Variants in KCNK13 observed in about 807,000 individuals in gnomAD.
The protein encoded by KCNK13 is potassium channel subfamily K member 13.
A neutral mutation model predicts 23.4 loss-of-function variants in KCNK13; 12 were observed. The observed-to-expected ratio is 0.51, with a 90% CI of 0.33 to 0.83. The LOEUF (loss-of-function observed/expected upper bound fraction) is 0.83. KCNK13 is among the 40% of genes least tolerant of loss of function. KCNK13 has a pLI of 0.02. For missense variants in KCNK13, 463 were observed against 556.3 expected (o/e 0.83, Z 1.69); for synonymous variants, 231 against 229.5 (o/e 1.01, Z -0.06).
chr14:90,131,825 T>C (rs890051214), intron 1 of KCNK13, among the ~76,000 whole-genome samples: 1 of 152,192 alleles, frequency 6.6e-6, no homozygotes, highest in African/African-American at 2.4e-5. Flanking sequence ...CCCTTGTGCA[T>C]TGCTTGTGGG....
At chr14:90,183,977 A>C in intron 1 of KCNK13, 134 bp from the exon 2 acceptor site, 3 of 781,066 alleles carry the variant, frequency 3.8e-6, no homozygotes, top group Non-Finnish European at 6.2e-6. Context: ...TCTCCTGCTC[A>C]TTCCTAGAAA....
intron 1 of KCNK13, among the ~76,000 whole-genome samples, chr14:90,101,055 T>A (rs918788514): frequency 3.3e-5 from 5 of 152,084 alleles, no homozygotes; most frequent in African/African-American, 1.2e-4. Flanking sequence ...GAGGTTGCAG[T>A]ATATGATGGA....
chr14:90,173,821 C>T (rs562293000), intron 1 of KCNK13, among the ~76,000 whole-genome samples: 21 of 152,248 alleles, frequency 1.4e-4, no homozygotes, highest in African/African-American at 4.8e-4. Flanking sequence ...GTGTATTAGT[C>T]CGTTTTCACA....
chr14:90,132,214 C>T (rs1473033755), intron 1 of KCNK13, among the ~76,000 whole-genome samples: 1 of 152,024 alleles, frequency 6.6e-6, no homozygotes, highest in African/African-American at 2.4e-5. Flanking sequence ...TCCATTGATA[C>T]GATGTAACAA....
At chr14:90,120,093 T>C (rs1889719712) in intron 1 of KCNK13, among the ~76,000 whole-genome samples, 1 of 152,172 alleles carries the variant, frequency 6.6e-6, no homozygotes, top group Admixed American at 6.5e-5. Flanking sequence ...TAGGCCTCAG[T>C]GTCTGTTGTT....
chr14:90,111,324 A>T (rs1889613069), intron 1 of KCNK13, among the ~76,000 whole-genome samples: 2 of 152,192 alleles, frequency 1.3e-5, no homozygotes, highest in Non-Finnish European at 2.9e-5. Flanking sequence ...TTAGTTACAA[A>T]GATGCTCAAG....
chr14:90,142,313 CTTTTTTTTTT>C (rs59863610), intron 1 of KCNK13, among the ~76,000 whole-genome samples: 1 of 85,250 alleles, frequency 1.2e-5, no homozygotes, highest in Admixed American at 1.8e-4. Context: ...CTGTCCAATT[CTTTTTTTTTT>C]TTTTTTTTTT....
intron 1 of KCNK13, among the ~76,000 whole-genome samples, chr14:90,172,401 A>T (rs1343071237): frequency 6.6e-6 from 1 of 152,012 alleles, no homozygotes; most frequent in African/African-American, 2.4e-5. Flanking sequence ...TTATAGGTGT[A>T]CAGGAGTTCC....
chr14:90,130,185 T>TTTATTTATTTA (rs1474470798), intron 1 of KCNK13, among the ~76,000 whole-genome samples: 2 of 147,958 alleles, frequency 1.4e-5, no homozygotes, highest in Non-Finnish European at 3.0e-5. Context: ...AGGACATTTA[T>TTTATTTATTTA]TTATTTATTT....
chr14:90,120,040 A>AT (rs1033491085), intron 1 of KCNK13, among the ~76,000 whole-genome samples: 4 of 151,982 alleles, frequency 2.6e-5, no homozygotes, highest in Non-Finnish European at 5.9e-5. Context: ...CTCAATAGTT[A>AT]TTTTTTCTGC....
At chr14:90,180,682 A>T (rs1470462391) in intron 1 of KCNK13, among the ~76,000 whole-genome samples, 3 of 152,226 alleles carry the variant, frequency 2.0e-5, no homozygotes, top group African/African-American at 7.2e-5. Context: ...AATCTCTGGA[A>T]CATGTCACTA....
At chr14:90,082,207 A>G (rs1286905) in intron 1 of KCNK13, among the ~76,000 whole-genome samples, 97,555 of 151,610 alleles carry the variant, frequency 0.64, 31,783 homozygotes, top group African/African-American at 0.74. Context: ...GACTATAGGC[A>G]TATGCCACCA....
At chr14:90,117,168 G>C (rs141233317) in intron 1 of KCNK13, among the ~76,000 whole-genome samples, 48 of 152,316 alleles carry the variant, frequency 3.2e-4, no homozygotes, top group Middle Eastern at 3.4e-3. Flanking sequence ...TGATAGCCTA[G>C]ATGGTTACTC....
intron 1 of KCNK13, among the ~76,000 whole-genome samples, chr14:90,102,757 G>C (rs886100962): frequency 6.6e-6 from 1 of 152,154 alleles, no homozygotes; most frequent in African/African-American, 2.4e-5. Flanking sequence ...GCTTTCATCT[G>C]AGATATTAGA....
chr14:90,081,982 A>G (rs774925857), intron 1 of KCNK13, among the ~76,000 whole-genome samples: 3 of 152,154 alleles, frequency 2.0e-5, no homozygotes, highest in Non-Finnish European at 4.4e-5. Context: ...ATTTTGATGC[A>G]GTGTGAAGCT....
intron 1 of KCNK13, among the ~76,000 whole-genome samples, chr14:90,172,288 T>C: frequency 7.0e-6 from 1 of 143,516 alleles, no homozygotes; most frequent in Admixed American, 7.2e-5. Context: ...CTGCACTCTA[T>C]CCCGGGTGAT....
At chr14:90,139,156 A>G (rs1889973813) in intron 1 of KCNK13, among the ~76,000 whole-genome samples, 1 of 152,194 alleles carries the variant, frequency 6.6e-6, no homozygotes, top group Admixed American at 6.5e-5. Context: ...TAACTTTATC[A>G]TAAATTGCAT....
In KCNK13 at chr14:90,062,560, C is replaced by T; in HGVS notation, c.334+21C>T. ...CATAGGTAAGTGTGCTGGCCGGACT[C>T]GCTGACAACCTCCGGGCGGCCTCCA... On this transcript the variant is annotated intron_variant, in intron 1 of 1. Coordinates refer to ENST00000282146, the MANE Select transcript of KCNK13 (RefSeq NM_022054.4). The surrounding 1 kb of genome is among the most constrained non-coding windows in gnomAD (Gnocchi z 4.5). The T allele has an allele frequency of 7.0e-7, 1 of 1,431,528 alleles. No individual in the cohort carries two copies. Among genetic ancestry groups the T allele is most frequent in the Non-Finnish European group, 9.2e-7 (1 of 1,086,288 alleles). The allele number at this position is 1,431,528 out of a possible 1,614,324, so 88.7% of individuals were successfully genotyped here. A position where few individuals can be genotyped will look rare whatever the true frequency, so the allele number is the denominator to read the frequency against.
intron 1 of KCNK13, among the ~76,000 whole-genome samples, chr14:90,083,588 G>A (rs781160703): frequency 2.6e-5 from 4 of 152,158 alleles, no homozygotes; most frequent in Non-Finnish European, 5.9e-5. Context: ...TGCCCACTTG[G>A]ATGGGATTAA....
Sources: allele counts gnomAD v4.1 joint callset (sites outside exome capture counted in the v4.1 genomes callset), GRCh38; gene constraint gnomAD v4.1.1; non-coding constraint Gnocchi (gnomAD v3.1); transcripts MANE v1.5; gene names NCBI Gene and HGNC (gene_info 2026-07-23, HGNC 2026-07-21).